Variants in MYO3A observed in about 807,000 individuals in gnomAD.
MYO3A encodes myosin IIIA, also known as myosin-IIIa.
Under a neutral mutation model 192.7 loss-of-function variants are expected in MYO3A, and 180 were observed. That is an observed-to-expected ratio of 0.93 (90% confidence interval 0.83 to 1.06). MYO3A has a LOEUF of 1.06. Among genes scored for constraint, MYO3A ranks in the 50% least tolerant of loss-of-function variants. The pLI is 0.00. For synonymous variants in MYO3A, 628 were observed against 645.3 expected, an observed-to-expected ratio of 0.97 and a Z score of 0.41; for missense variants, 1,896 against 1,905.0, an observed-to-expected ratio of 1.00 and a Z score of 0.09.
At chr10:26,115,486 G>A (rs927201023) in intron 17 of MYO3A, among the ~76,000 whole-genome samples, 1 of 152,106 alleles carries the variant, frequency 6.6e-6, no homozygotes, top group African/African-American at 2.4e-5. Context: ...TTGAAACCAT[G>A]TACCTATATC....
At chr10:25,994,231 CTCT>C (rs1840268271) in intron 4 of MYO3A, among the ~76,000 whole-genome samples, 1 of 150,672 alleles carries the variant, frequency 6.6e-6, no homozygotes, top group Non-Finnish European at 1.5e-5. Context: ...GGATAGTTAG[CTCT>C]TCTTGTTGAA....
intron 6 of MYO3A, among the ~76,000 whole-genome samples, chr10:26,013,779 C>A (rs188361752): frequency 1.3e-5 from 2 of 152,130 alleles, no homozygotes; most frequent in African/African-American, 4.8e-5. Context: ...TGGATATCTA[C>A]CCAAAGGAAA....
At chr10:26,211,555 A>C (rs1844217068) in intron 34 of MYO3A, among the ~76,000 whole-genome samples, 1 of 152,186 alleles carries the variant, frequency 6.6e-6, no homozygotes, top group Admixed American at 6.5e-5. Flanking sequence ...TGCAATCCAA[A>C]CTCACCTTTC....
chr10:25,954,816 T>C, intron 3 of MYO3A, 58 bp from the exon 4 acceptor site: 1 of 1,536,912 alleles, frequency 6.5e-7, no homozygotes, highest in East Asian at 2.3e-5. Context: ...ATAATCTGTT[T>C]CTTTGACATT....
chr10:26,114,492 A>G (rs555632813), intron 17 of MYO3A, among the ~76,000 whole-genome samples: 11 of 152,312 alleles, frequency 7.2e-5, no homozygotes, highest in African/African-American at 2.4e-4. Flanking sequence ...AAAAAAAACA[A>G]CTTGGCTTAG....
At chr10:26,052,063 A>G (rs1418961447) in intron 10 of MYO3A, among the ~76,000 whole-genome samples, 1 of 152,244 alleles carries the variant, frequency 6.6e-6, no homozygotes, top group Non-Finnish European at 1.5e-5. Flanking sequence ...CAAACTATGT[A>G]TAAAATCTCT....
chr10:25,961,139 A>G (rs561485424), intron 4 of MYO3A, among the ~76,000 whole-genome samples: 4 of 152,274 alleles, frequency 2.6e-5, no homozygotes, highest in Admixed American at 2.0e-4. Flanking sequence ...TTCGATAATG[A>G]ATTTTTAATT....
chr10:26,096,892 C>T (rs1564544684), intron 17 of MYO3A, among the ~76,000 whole-genome samples: 2 of 151,052 alleles, frequency 1.3e-5, no homozygotes, highest in Admixed American at 6.6e-5. Context: ...TTGTTCTTAA[C>T]CTTTTATTTT....
At chr10:25,934,422 C>CG (rs1382910790) in intron 1 of MYO3A, 94 bp downstream of exon 1, 1 of 152,306 alleles carries the variant, frequency 6.6e-6, no homozygotes, top group African/African-American at 2.4e-5. Flanking sequence ...CCTTGGACCC[C>CG]GGGGCTTGCA....
intron 10 of MYO3A, among the ~76,000 whole-genome samples, chr10:26,063,170 A>G (rs970329092): frequency 5.9e-5 from 9 of 152,168 alleles, no homozygotes; most frequent in Admixed American, 3.3e-4. Context: ...AGAGAAGTCA[A>G]TGGCTGGCTG....
At chr10:25,943,674 G>A (rs1006801931) in intron 2 of MYO3A, among the ~76,000 whole-genome samples, 4 of 150,986 alleles carry the variant, frequency 2.6e-5, no homozygotes, top group African/African-American at 7.3e-5. Flanking sequence ...TCTTCTTCTG[G>A]TTGTTCATTG....
At chr10:26,086,060 A>T (rs1183271841) in intron 14 of MYO3A, among the ~76,000 whole-genome samples, 1 of 152,088 alleles carries the variant, frequency 6.6e-6, no homozygotes, top group East Asian at 1.9e-4. Flanking sequence ...AAGGTGTATT[A>T]GCCCATTCTC....
At chr10:26,003,445 GT>G (rs1840977935) in intron 6 of MYO3A, among the ~76,000 whole-genome samples, 1 of 152,084 alleles carries the variant, frequency 6.6e-6, no homozygotes, top group South Asian at 2.1e-4. Flanking sequence ...GTAAGATTCA[GT>G]TTGCTAATGC....
chr10:26,026,562 C>T (rs753101739), intron 10 of MYO3A, 30 bp downstream of exon 10: 3 of 1,611,682 alleles, frequency 1.9e-6, no homozygotes, highest in Non-Finnish European at 2.5e-6. Flanking sequence ...ATTCCAAAAT[C>T]CAGAGATTAT....
chr10:26,060,029 G>A (rs1052993628), intron 10 of MYO3A, among the ~76,000 whole-genome samples: 8 of 152,152 alleles, frequency 5.3e-5, no homozygotes, highest in Non-Finnish European at 8.8e-5. Flanking sequence ...AGGCCAAGGC[G>A]GGCGGATCAC....
chr10:26,115,434 A>C (rs1322675081), intron 17 of MYO3A, among the ~76,000 whole-genome samples: 2 of 152,172 alleles, frequency 1.3e-5, no homozygotes, highest in Non-Finnish European at 2.9e-5. Context: ...GACAATTTAC[A>C]GTTGCTTATA....
Position 26,067,012 on chromosome 10 carries a change from C to T in MYO3A, c.991C>T (p.Arg331Ter), listed in dbSNP as rs749269594. ...TCACACGAAGAAAGGGAACTTCAAC[C>T]GACCTCTAATATCCAATCTGAAGGA... The part of the protein sequence containing the change: ...RIHTKKGNFN[R>*]PLISNLKDVD... The change falls in exon 11 of 35, where the codon CGA becomes TGA. Residue 331 changes from arginine (R) to a stop codon, truncating the protein, a stop_gained. Transcript: ENST00000642920. LOFTEE classifies it high-confidence loss of function. 90 of 1,612,762 alleles carry T rather than the reference C, an allele frequency of 5.6e-5. No homozygotes were observed. The highest frequency in any genetic ancestry group is 7.0e-5 in the Non-Finnish European group (83 of 1,178,974).
chr10:26,205,994 T>C (rs1013198869), intron 34 of MYO3A, among the ~76,000 whole-genome samples: 6 of 152,078 alleles, frequency 3.9e-5, no homozygotes, highest in South Asian at 2.1e-4. Context: ...CATTCATCCA[T>C]TGATGGACTC....
At chr10:26,105,936 A>T (rs1837771936) in intron 17 of MYO3A, among the ~76,000 whole-genome samples, 1 of 152,074 alleles carries the variant, frequency 6.6e-6, no homozygotes, top group Non-Finnish European at 1.5e-5. Context: ...TTAAGGCCTT[A>T]TATGACATAT....
Sources: gnomAD v4.1 joint callset for allele counts (sites outside exome capture counted in the v4.1 genomes callset) on GRCh38, gnomAD v4.1.1 for gene constraint, MANE v1.5 for transcripts, NCBI Gene and HGNC (gene_info 2026-07-23, HGNC 2026-07-21) for gene names.